NRG4: variants seen among roughly 807,000 people sequenced by gnomAD.
The protein encoded by NRG4 is neuregulin 4.
In NRG4, 10 loss-of-function variants were observed where a neutral mutation model predicts 15.0. The observed-to-expected ratio is 0.67, with a 90% CI of 0.41 to 1.13. The LOEUF (loss-of-function observed/expected upper bound fraction) is 1.13, where lower values mean the gene tolerates loss of function less well. Ranked by LOEUF, NRG4 falls within the 50% of genes most tolerant of loss-of-function variation. The probability of loss-of-function intolerance (pLI) is 0.00; values close to 1 mark genes in which losing one functional copy is unlikely to be tolerated. For missense variants in NRG4, 139 were observed against 140.2 expected, an observed-to-expected ratio of 0.99 and a Z score of 0.04; for synonymous variants, 41 against 50.1, an observed-to-expected ratio of 0.82 and a Z score of 0.77.
rs2031210152 is a variant in NRG4 at position 75,943,553 on chromosome 15, A to C, written c.*85T>G. On this transcript the variant is annotated 3_prime_UTR_variant, in exon 6 of 6. Coordinates refer to ENST00000394907, the MANE Select transcript of NRG4 (RefSeq NM_138573.4). ...CGTTTTATTTAAGAAATAAAGGATT[A>C]GATTTTTAATTCTTTTACCTAGTGG... 6 of 822,948 alleles carry C rather than the reference A, an allele frequency of 7.3e-6. No individual in the cohort carries two copies. Among genetic ancestry groups the C allele is most frequent in the Non-Finnish European group, 1.2e-5 (6 of 485,116 alleles). 51.0% of individuals were successfully genotyped at this position (822,948 alleles called of 1,614,324 possible).
At chr15:76,013,416 G>A (rs2034878686), upstream of NRG4, among the ~76,000 whole-genome samples, 1 of 152,088 alleles carries the variant, frequency 6.6e-6, no homozygotes, top group Non-Finnish European at 1.5e-5. Context: ...TGTTACATAG[G>A]TATACAAGTG....
downstream of NRG4, chr15:75,940,733 A>G (rs1448340607): frequency 6.6e-6 from 1 of 151,752 alleles, no homozygotes; most frequent in African/African-American, 2.4e-5. Context: ...AGGCTATTCC[A>G]AGGATAGTTT....
intron 5 of NRG4, among the ~76,000 whole-genome samples, chr15:76,019,572 C>T (rs1430887046): frequency 6.6e-6 from 1 of 152,214 alleles, no homozygotes. Context: ...TGCACCGTCC[C>T]TCATGGCTTC....
At chr15:75,949,755 T>C (rs879938598) in intron 5 of NRG4, among the ~76,000 whole-genome samples, 23 of 152,220 alleles carry the variant, frequency 1.5e-4, no homozygotes, top group Non-Finnish European at 2.8e-4. Flanking sequence ...GAATTTTTTT[T>C]GTGCATGGTA....
chr15:75,999,491 C>T (rs1163337247), intron 3 of NRG4, among the ~76,000 whole-genome samples: 2 of 152,100 alleles, frequency 1.3e-5, no homozygotes, highest in Non-Finnish European at 2.9e-5. Flanking sequence ...TTTTGCTCTT[C>T]TGCCCTCTGC....
At chr15:75,985,092 G>C (rs1031694704) in intron 3 of NRG4, among the ~76,000 whole-genome samples, 1 of 152,022 alleles carries the variant, frequency 6.6e-6, no homozygotes, top group African/African-American at 2.4e-5. Context: ...TGGTCTGCTT[G>C]CCTCAGCATC....
rs2034328557 is a variant in NRG4, at chr15:75,999,466, T to G, written c.104+9734A>C. Among the ~76,000 whole-genome samples, 7 of 152,298 alleles carry G rather than the reference T, an allele frequency of 4.6e-5. No homozygotes were observed. In the South Asian group the frequency reaches 1.4e-3, roughly 32 times the overall value. ...TTCTACTCTCTGCCATGTGAGGACA[T>G]AGTGTTCGGCCCTTTTTTGCTCTTC... On this transcript the variant is annotated intron_variant, in intron 3 of 5. Transcript: ENST00000394907.
intron 2 of NRG4, among the ~76,000 whole-genome samples, 179 bp downstream of exon 2, chr15:76,011,042 A>T (rs1338938607): frequency 6.6e-6 from 1 of 152,120 alleles, no homozygotes; most frequent in African/African-American, 2.4e-5. Context: ...GCTTTATGTC[A>T]CAAAGGAAGG....
In NRG4 at chr15:75,943,324, G is replaced by A. The variant is rs1013041958; in HGVS notation, c.*314C>T. On this transcript the variant is annotated 3_prime_UTR_variant, in exon 6 of 6. Transcript: ENST00000394907. ...CATAAGATCTTCATATATCCCTTAG[G>A]GTTTCTCTCTAGGTGTGTGAACATT... 23 of 317,760 alleles carry A rather than the reference G, an allele frequency of 7.2e-5. No individual in the cohort carries two copies. Among genetic ancestry groups the A allele is most frequent in the Non-Finnish European group, 1.2e-4 (21 of 174,716 alleles). The allele number at this position is 317,760 out of a possible 1,614,324, so 19.7% of individuals were successfully genotyped here.
At chr15:76,037,113 A>G (rs1431476414) in intron 4 of NRG4, among the ~76,000 whole-genome samples, 1 of 152,216 alleles carries the variant, frequency 6.6e-6, no homozygotes, top group Non-Finnish European at 1.5e-5. Context: ...TGAAAAAGCA[A>G]TCAAAAAAGC....
intron 3 of NRG4, among the ~76,000 whole-genome samples, chr15:76,001,738 C>T (rs2034423963): frequency 6.6e-6 from 1 of 152,174 alleles, no homozygotes; most frequent in South Asian, 2.1e-4. Context: ...TTTTAGTACA[C>T]AGGGAGGAAA....
chr15:75,968,565 C>G (rs1309561534), intron 3 of NRG4, among the ~76,000 whole-genome samples: 2 of 138,062 alleles, frequency 1.4e-5, no homozygotes, highest in Non-Finnish European at 3.1e-5. Flanking sequence ...CCAGCCTTGG[C>G]GATAGAGCGA....
At chr15:76,023,663 G>A (rs568142451) in intron 5 of NRG4, among the ~76,000 whole-genome samples, 2 of 152,148 alleles carry the variant, frequency 1.3e-5, no homozygotes, top group Non-Finnish European at 2.9e-5. Flanking sequence ...ATCCTACTCT[G>A]GGACCAGTAG....
At chr15:76,045,375 A>T (rs2035846375) in intron 4 of NRG4, among the ~76,000 whole-genome samples, 1 of 150,992 alleles carries the variant, frequency 6.6e-6, no homozygotes, top group Non-Finnish European at 1.5e-5. Flanking sequence ...GAGGTTCCTT[A>T]AAAAACTAAA....
At chr15:75,952,766 G>A (rs1321245686) in intron 5 of NRG4, among the ~76,000 whole-genome samples, 1 of 151,902 alleles carries the variant, frequency 6.6e-6, no homozygotes, top group Admixed American at 6.6e-5. Context: ...AATGATGATT[G>A]TCTTTTCATG....
At chr15:75,965,809 C>G (rs2032766284) in intron 3 of NRG4, among the ~76,000 whole-genome samples, 3 of 152,164 alleles carry the variant, frequency 2.0e-5, no homozygotes. Context: ...ACTGGTAGTA[C>G]TAGCACAGCA....
chr15:76,038,710 G>T (rs1039885252), intron 4 of NRG4, among the ~76,000 whole-genome samples: 1 of 152,186 alleles, frequency 6.6e-6, no homozygotes, highest in Non-Finnish European at 1.5e-5. Context: ...AAGGACACAA[G>T]CCTGGTTGGC....
chr15:76,040,709 G>A (rs932444065), intron 4 of NRG4, among the ~76,000 whole-genome samples: 9 of 152,314 alleles, frequency 5.9e-5, no homozygotes, highest in East Asian at 1.9e-4. Context: ...CAGATCATTT[G>A]AGGTCAGGAG....
At chr15:75,973,627 T>C (rs1406285524) in intron 3 of NRG4, among the ~76,000 whole-genome samples, 1 of 152,214 alleles carries the variant, frequency 6.6e-6, no homozygotes, top group African/African-American at 2.4e-5. Flanking sequence ...GAGAGAATCA[T>C]GTGGTTTTTG....
Sources: gnomAD v4.1 joint callset for allele counts (sites outside exome capture counted in the v4.1 genomes callset) on GRCh38, gnomAD v4.1.1 for gene constraint, MANE v1.5 for transcripts, NCBI Gene and HGNC (gene_info 2026-07-23, HGNC 2026-07-21) for gene names.